Variants in NCOA6 observed in about 807,000 individuals in gnomAD.
The protein encoded by NCOA6 is NRC RAP250.
NCOA6 carries 49 observed loss-of-function variants against 171.4 expected under a neutral mutation model. The ratio of observed to expected loss-of-function variants is 0.29; its 90% CI spans 0.23 to 0.36. NCOA6 has a LOEUF of 0.36. NCOA6 is among the 10% of genes least tolerant of loss of function. NCOA6 has a pLI of 1.00. For missense variants in NCOA6, 2,248 were observed against 2,554.5 expected (o/e 0.88, Z 2.59); for synonymous variants, 910 against 927.5 (o/e 0.98, Z 0.34).
intron 1 of NCOA6, among the ~76,000 whole-genome samples, chr20:34,806,274 G>A (rs1418968615): frequency 6.6e-6 from 1 of 152,130 alleles, no homozygotes; most frequent in East Asian, 1.9e-4. Context: ...TTTTTCTACT[G>A]TTGAAACATT....
chr20:34,727,558 A>C (rs1657453420), intron 13 of NCOA6, 151 bp from the exon 14 acceptor site: 1 of 742,420 alleles, frequency 1.3e-6, no homozygotes, highest in Non-Finnish European at 2.2e-6. Context: ...GGTAATAAGC[A>C]CTATTGCCTT....
At position 34,742,793 on chromosome 20, in the gene NCOA6, C is replaced by G; in HGVS notation, c.3463G>C (p.Val1155Leu). 1 of 1,614,162 alleles carries G rather than the reference C, an allele frequency of 6.2e-7. No individual in the cohort carries two copies. The highest frequency in any genetic ancestry group is 8.5e-7 in the Non-Finnish European group (1 of 1,180,028). ...ATCATTAACTGATTCTGGGGAAGTA[C>G]TACATGTGAAGGCATGTTGTTTGGG... is the stretch of plus-strand genomic sequence containing the variant. Reference protein sequence around the residue: ...GGPNNMPSHVVLPQNQLMMTG... With the variant: ...GGPNNMPSHVLLPQNQLMMTG... The change falls in exon 11 of 15, where the codon GTA becomes CTA. Residue 1155 changes from valine to leucine, a missense_variant. Physicochemically the swap from Val to Leu is conservative, Grantham distance 32. Around this residue, in one of 7 missense-constraint regions of NCOA6, gnomAD observed 352 missense variants for 419.1 expected, o/e 0.84. Coordinates refer to ENST00000359003, the MANE Select transcript of NCOA6 (RefSeq NM_014071.5).
intron 7 of NCOA6, among the ~76,000 whole-genome samples, chr20:34,755,927 G>A (rs1324652757): frequency 6.6e-6 from 1 of 152,068 alleles, no homozygotes; most frequent in East Asian, 1.9e-4. Flanking sequence ...AGTAGAGACG[G>A]GGTTTCACCA....
intron 13 of NCOA6, among the ~76,000 whole-genome samples, chr20:34,728,926 G>C (rs957137450): frequency 6.6e-6 from 1 of 152,066 alleles, no homozygotes; most frequent in Admixed American, 6.6e-5. Flanking sequence ...GAATAAATAT[G>C]AGCTATATAC....
intron 1 of NCOA6, among the ~76,000 whole-genome samples, chr20:34,803,285 T>C (rs1203255112): frequency 1.3e-5 from 2 of 151,770 alleles, no homozygotes; most frequent in East Asian, 1.9e-4. Context: ...CTGGACAACA[T>C]GGTAAAACCT....
chr20:34,764,278 A>G (rs897480463), intron 5 of NCOA6, among the ~76,000 whole-genome samples: 8 of 152,008 alleles, frequency 5.3e-5, no homozygotes, highest in Non-Finnish European at 8.8e-5. Flanking sequence ...TAGTAGAGAC[A>G]GGGTTTCACC....
intron 2 of NCOA6, among the ~76,000 whole-genome samples, chr20:34,785,343 C>T (rs1266437654): frequency 5.3e-5 from 8 of 151,696 alleles, no homozygotes; most frequent in Non-Finnish European, 1.2e-4. Context: ...ACCTGTATTC[C>T]TAGCACTTTG....
At position 34,759,442 on chromosome 20, in the gene NCOA6, C is replaced by T. The variant is rs2076751923; in HGVS notation, c.515-509G>A. ...ATACAGCAGAAGCCCCCTACTCCTT[C>T]CATTCCACTTCCTCCCTCTTATTGC... On this transcript the variant is annotated intron_variant, in intron 5 of 14. Coordinates refer to ENST00000359003, the MANE Select transcript of NCOA6 (RefSeq NM_014071.5). 2.0e-5 allele frequency among the ~76,000 whole-genome samples: 3 copies of T among 152,186 alleles called. No homozygotes were observed. The South Asian group carries it at 6.2e-4, about 32-fold the overall frequency.
At chr20:34,793,412 AT>A (rs1410054961) in intron 1 of NCOA6, among the ~76,000 whole-genome samples, 1 of 152,114 alleles carries the variant, frequency 6.6e-6, no homozygotes, top group African/African-American at 2.4e-5. Flanking sequence ...TATACATTAT[AT>A]TTTTCATTAA....
At chr20:34,813,031 C>A (rs1047287224) in intron 1 of NCOA6, among the ~76,000 whole-genome samples, 39 of 151,526 alleles carry the variant, frequency 2.6e-4, no homozygotes, top group African/African-American at 8.7e-4. Context: ...TGGTGGAACA[C>A]CCCTATAATC....
In NCOA6 at chr20:34,735,422, G is replaced by T. The variant is rs556459485; in HGVS notation, c.5962+1268C>A. On this transcript the variant is annotated intron_variant, in intron 12 of 14. Coordinates refer to ENST00000359003, the MANE Select transcript of NCOA6 (RefSeq NM_014071.5). ...GCACTTTGGGAGGACGAGGCAGGTG[G>T]ATCATGAGGTCAGGAGATCGAGACC... 1.2e-4 allele frequency among the ~76,000 whole-genome samples: 18 copies of T among 152,204 alleles called. No individual in the cohort carries two copies. In the South Asian group the frequency reaches 1.2e-3, roughly 11 times the overall value.
chr20:34,788,166 T>C (rs749836978), intron 2 of NCOA6, among the ~76,000 whole-genome samples: 5 of 151,704 alleles, frequency 3.3e-5, no homozygotes, highest in Admixed American at 6.6e-5. Flanking sequence ...TCTACTTTTA[T>C]GTATTTCATT....
At chr20:34,785,486 A>G (rs2077647383) in intron 2 of NCOA6, among the ~76,000 whole-genome samples, 1 of 152,026 alleles carries the variant, frequency 6.6e-6, no homozygotes, top group South Asian at 2.1e-4. Flanking sequence ...GAAAATCTCA[A>G]ATTAATACCA....
chr20:34,732,569 A>C lies in NCOA6; in HGVS notation c.5989T>G (p.Ser1997Ala). 8 of 1,613,834 alleles carry C rather than the reference A, an allele frequency of 5.0e-6. No homozygotes were observed. The highest frequency in any genetic ancestry group is 6.8e-6 in the Non-Finnish European group (8 of 1,179,850). ...AAATGATCATCTTACCTTTGTCCAG[A>C]GACTATGGCAGCATTTACCTCCAGC... ...PELEVNAAIV[S>A]GQSSEPKEIV... Residue 1997 changes from serine to alanine, a missense_variant, in exon 13 of 15, where the codon TCT becomes GCT. Ser to Ala is a moderately conservative substitution (Grantham distance 99). Coordinates refer to ENST00000359003, the MANE Select transcript of NCOA6 (RefSeq NM_014071.5).
At chr20:34,747,785 C>T (rs1418107934) in intron 9 of NCOA6, among the ~76,000 whole-genome samples, 2 of 152,190 alleles carry the variant, frequency 1.3e-5, no homozygotes, top group Non-Finnish European at 2.9e-5. Context: ...AGCAGATCGT[C>T]AGCACATCCA....
intron 14 of NCOA6, among the ~76,000 whole-genome samples, chr20:34,717,445 C>T (rs1029654143): frequency 1.3e-5 from 2 of 151,538 alleles, no homozygotes; most frequent in African/African-American, 2.4e-5. Context: ...ATTGAGACTC[C>T]GTCTCAAAAA....
At chr20:34,820,756 G>A (rs1375981172) in intron 1 of NCOA6, 1 of 137,580 alleles carries the variant, frequency 7.3e-6, no homozygotes, top group African/African-American at 2.8e-5. Context: ...GGGCGACAGA[G>A]CAAGACTTCA....
At chr20:34,725,301 C>G (rs951006417) in intron 14 of NCOA6, among the ~76,000 whole-genome samples, 15 of 152,196 alleles carry the variant, frequency 9.9e-5, no homozygotes, top group Admixed American at 9.2e-4. Flanking sequence ...ATGTCACAAA[C>G]TGGCATAGTT....
chr20:34,757,534 T>G lies in NCOA6; in HGVS notation c.1214A>C (p.Lys405Thr). Residue 405 changes from lysine (K) to threonine (T), a missense_variant, in exon 7 of 15, where the codon AAG (lysine) becomes ACG (threonine). Lys to Thr is a moderately conservative substitution (Grantham distance 78). Transcript: ENST00000359003. ...NPGQFTAPQM[K>T]SLQGGPSRVP... The stretch of plus-strand genomic sequence containing the variant: ...CCTAGAGGGCCCTCCCTGCAAACTC[T>G]TCATCTGAGGAGCTGTGAACTGGCC... 1 of 1,613,978 alleles carries G rather than the reference T, an allele frequency of 6.2e-7. No individual in the cohort carries two copies. Among genetic ancestry groups the G allele is most frequent in the South Asian group, 1.1e-5 (1 of 91,080 alleles).
Sources: gnomAD v4.1 joint callset for allele counts (sites outside exome capture counted in the v4.1 genomes callset) on GRCh38, gnomAD v4.1.1 for gene constraint, gnomAD v4.1.1 regional missense constraint, MANE v1.5 for transcripts, NCBI Gene and HGNC (gene_info 2026-07-23, HGNC 2026-07-21) for gene names.